Variants in NBEAL1 observed in about 807,000 individuals in gnomAD.
NBEAL1 encodes neurobeachin-like protein 1.
A neutral mutation model predicts 351.3 loss-of-function variants in NBEAL1; 273 were observed. The ratio of observed to expected loss-of-function variants is 0.78; its 90% CI spans 0.70 to 0.86. The LOEUF is 0.86. Ranked by LOEUF, NBEAL1 falls within the 40% of genes least tolerant of loss-of-function variation. NBEAL1 has a pLI of 0.00. For missense variants in NBEAL1, 2,961 were observed against 3,201.3 expected (o/e 0.92, Z 1.81); for synonymous variants, 1,050 against 1,086.4 (o/e 0.97, Z 0.66).
intron 2 of NBEAL1, among the ~76,000 whole-genome samples, chr2:203,024,468 C>G (rs1254640083): frequency 1.3e-5 from 2 of 151,098 alleles, no homozygotes; most frequent in African/African-American, 4.9e-5. Flanking sequence ...AAGAGAATCA[C>G]TTGAATCCAA....
At chr2:203,074,317 C>CTTTTTTTTT (rs56217945) in intron 7 of NBEAL1, among the ~76,000 whole-genome samples, 1 of 98,336 alleles carries the variant, frequency 1.0e-5, no homozygotes, top group Non-Finnish European at 2.0e-5. Context: ...TTTCTTTCTT[C>CTTTTTTTTT]TTTTTTTTTT....
intron 2 of NBEAL1, among the ~76,000 whole-genome samples, chr2:203,017,701 G>C (rs1328421286): frequency 6.6e-6 from 1 of 151,900 alleles, no homozygotes; most frequent in Non-Finnish European, 1.5e-5. Context: ...GGTGAATGGG[G>C]TTACGTGTCT....
At chr2:203,042,138 A>G (rs2061152659) in intron 3 of NBEAL1, among the ~76,000 whole-genome samples, 1 of 152,228 alleles carries the variant, frequency 6.6e-6, no homozygotes, top group Non-Finnish European at 1.5e-5. Flanking sequence ...GTAAAGGGCA[A>G]AGTCCTCTGT....
intron 47 of NBEAL1, among the ~76,000 whole-genome samples, chr2:203,196,067 GT>G (rs2065233552): frequency 6.6e-6 from 1 of 152,170 alleles, no homozygotes; most frequent in Non-Finnish European, 1.5e-5. Flanking sequence ...GGCCTGCTAT[GT>G]TAACTCTTTA....
rs1334988422 is a variant in NBEAL1, at chr2:203,084,474, G to A, written c.1003G>A (p.Ala335Thr). The A allele has an allele frequency of 3.4e-6, 5 of 1,469,012 alleles. No homozygotes were observed. The highest frequency in any genetic ancestry group is 4.5e-6 in the Non-Finnish European group (5 of 1,108,898). 91.0% of individuals were successfully genotyped at this position (1,469,012 alleles called of 1,614,324 possible). Residue 335 changes from alanine to threonine, a missense_variant, in exon 10 of 56, where the codon GCC becomes ACC. Coordinates refer to ENST00000683969, the MANE Select transcript of NBEAL1 (RefSeq NM_001378026.1). ...TTTTATTTTCCTAGATACCATCACA[G>A]CCATGTTAGATTGTACAGATAGACC... Reference protein sequence around the residue: ...LQIKMLNTITAMLDCTDRPVL... With the variant: ...LQIKMLNTITTMLDCTDRPVL...
In NBEAL1 at chr2:203,146,997, T is replaced by C. The variant is rs1320035101; in HGVS notation, c.5304+1837T>C. ...AAACATCCATTTGTAATCAAAGCTC[T>C]CAGCAAACTAGGAATAGAAGGGAAA... On this transcript the variant is annotated intron_variant, in intron 33 of 55. Transcript: ENST00000683969. Among the ~76,000 whole-genome samples, 3 of 152,094 alleles carry C rather than the reference T, an allele frequency of 2.0e-5. No homozygotes were observed. In the East Asian group the frequency reaches 5.8e-4, roughly 29 times the overall value.
chr2:203,077,669 G>C, intron 7 of NBEAL1, 83 bp from the exon 8 acceptor site: 1 of 787,268 alleles, frequency 1.3e-6, no homozygotes, highest in South Asian at 3.2e-5. Context: ...AGTTCTTCGT[G>C]TTTGCATCAG....
At chr2:203,184,074 T>TAAAAAAAAAAAAAAAAAAAAA (rs1170251389) in intron 44 of NBEAL1, among the ~76,000 whole-genome samples, 9 of 87,996 alleles carry the variant, frequency 1.0e-4, no homozygotes, top group Admixed American at 1.4e-4. Flanking sequence ...CGAGACTGTC[T>TAAAAAAAAAAAAAAAAAAAAA]AAAAAAAAAA....
intron 41 of NBEAL1, 39 bp downstream of exon 41, chr2:203,172,892 T>TGGCTCACGCCTGTAA: frequency 6.5e-7 from 1 of 1,543,284 alleles, no homozygotes. Flanking sequence ...TACACATTGC[T>TGGCTCACGCCTGTAA]TCTTTGAATT....
At chr2:203,217,108 T>C (rs1173010169) in intron 55 of NBEAL1, 145 bp from the exon 56 acceptor site, 2 of 516,638 alleles carry the variant, frequency 3.9e-6, no homozygotes, top group Admixed American at 8.6e-5. Context: ...CTGGCCGTCT[T>C]TCTCTATTAT....
In NBEAL1 at chr2:203,107,595, T is replaced by C. The variant is rs886262124; in HGVS notation, c.1369-13T>C. 2 of 1,548,816 alleles carry C rather than the reference T, an allele frequency of 1.3e-6. No homozygotes were observed. The highest frequency in any genetic ancestry group is 2.7e-5 in the African/African-American group (2 of 72,844). ...ATGATAACTAACCTTTTATCTTTTA[T>C]GTTGCTTTTCAGGCTGTAGAGGGTG... On this transcript the variant is annotated splice_polypyrimidine_tract_variant and intron_variant, in intron 13 of 55. Coordinates refer to ENST00000683969, the MANE Select transcript of NBEAL1 (RefSeq NM_001378026.1).
Position 203,115,309 on chromosome 2 carries a change from C to T in NBEAL1, c.2507-676C>T, listed in dbSNP as rs115715946. Among the ~76,000 whole-genome samples, 527 of 151,276 alleles carry T rather than the reference C, an allele frequency of 3.5e-3. 6 individuals are homozygous for T. The highest frequency in any genetic ancestry group is 0.012 in the African/African-American group (493 of 41,256). ...CTAATTTTTTAGTATTTTTAGTAGA[C>T]GTGGGGTTTTTACCATGTTGGCCAG... On this transcript the variant is annotated intron_variant, in intron 17 of 55. Transcript: ENST00000683969.
intron 31 of NBEAL1, among the ~76,000 whole-genome samples, chr2:203,140,071 C>T (rs2063328029): frequency 6.6e-6 from 1 of 151,648 alleles, no homozygotes; most frequent in Non-Finnish European, 1.5e-5. Flanking sequence ...GAGGCCGAGG[C>T]GGGCGGATCA....
In NBEAL1 at chr2:203,108,088, C is replaced by T; in HGVS notation, c.1849C>T (p.Pro617Ser). 6.4e-7 allele frequency: 1 copy of T among 1,552,074 alleles called. No homozygotes were observed. ...GISVPPIQKW[P>S]GSAFSFSAWF... ...TTCTGTGCCTCCCATACAGAAATGG[C>T]CAGGGTCTGCCTTTTCTTTCAGTGC... The change falls in exon 14 of 56, where the codon CCA becomes TCA. Residue 617 changes from proline (P) to serine (S), a missense_variant. By Grantham distance (74) the Pro-to-Ser change is moderately conservative. Transcript: ENST00000683969.
intron 8 of NBEAL1, among the ~76,000 whole-genome samples, chr2:203,080,286 C>T (rs1323166785): frequency 3.9e-5 from 6 of 152,036 alleles, no homozygotes; most frequent in African/African-American, 9.7e-5. Context: ...GTGGTGGGCG[C>T]CTGTAATCCC....
chr2:203,158,677 C>T (rs994364770), intron 36 of NBEAL1, among the ~76,000 whole-genome samples: 13 of 152,040 alleles, frequency 8.6e-5, no homozygotes, highest in African/African-American at 3.1e-4. Flanking sequence ...GTTATTTATG[C>T]TTTGTTTGCT....
chr2:203,107,488 A>G lies in NBEAL1; in HGVS notation c.1338A>G (p.Pro446=). 1 of 1,551,210 alleles carries G rather than the reference A, an allele frequency of 6.4e-7. No homozygotes were observed. The highest frequency in any genetic ancestry group is 1.4e-5 in the African/African-American group (1 of 73,224). The change falls in exon 13 of 56, where the codon CCA becomes CCG. Residue 446 remains proline (P), a synonymous_variant. Coordinates refer to ENST00000683969, the MANE Select transcript of NBEAL1 (RefSeq NM_001378026.1). ...TATTAAAATCCCTGGGTCAGCCACC[A>G]CTGGAATTACTTAAAGAACTTATGA... The part of the protein sequence containing the change: ...LEVLKSLGQP[P]LELLKELMNM...
At chr2:203,120,270 T>A (rs1298341571) in intron 18 of NBEAL1, among the ~76,000 whole-genome samples, 6 of 152,194 alleles carry the variant, frequency 3.9e-5, no homozygotes, top group Non-Finnish European at 1.5e-5. Context: ...TAAGCTTTAG[T>A]TTTCTGAAGC....
chr2:203,053,363 G>A (rs2061352924), intron 4 of NBEAL1, among the ~76,000 whole-genome samples: 1 of 152,044 alleles, frequency 6.6e-6, no homozygotes, highest in Admixed American at 6.6e-5. Context: ...TATACCATTT[G>A]TATCTTCTTT....
Sources: allele counts gnomAD v4.1 joint callset (sites outside exome capture counted in the v4.1 genomes callset), GRCh38; gene constraint gnomAD v4.1.1; transcripts MANE v1.5; gene names NCBI Gene and HGNC (gene_info 2026-07-23, HGNC 2026-07-21).